GRM5: variants seen among roughly 807,000 people sequenced by gnomAD.
The protein encoded by GRM5 is metabotropic glutamate receptor 5.
In GRM5, 19 loss-of-function variants were observed where a neutral mutation model predicts 83.1. The observed-to-expected ratio is 0.23, with a 90% CI of 0.16 to 0.34. The LOEUF (loss-of-function observed/expected upper bound fraction) is 0.34. GRM5 is among the 10% of genes least tolerant of loss of function. The pLI, the probability that GRM5 is intolerant of heterozygous loss-of-function variation, is 1.00. For synonymous variants in GRM5, 675 were observed against 633.6 expected (o/e 1.07, Z -0.98); for missense variants, 1,160 against 1,588.3 (o/e 0.73, Z 4.58).
rs370154859 is a variant in GRM5, at chr11:88,981,127, C to T, written c.661+66085G>A. Among the ~76,000 whole-genome samples, 7 of 152,276 alleles carry T rather than the reference C, an allele frequency of 4.6e-5. No individual in the cohort carries two copies. In the South Asian group the frequency reaches 1.4e-3, roughly 32 times the overall value. On this transcript the variant is annotated intron_variant, in intron 2 of 9. Transcript: ENST00000305447. Reference sequence around the variant, plus strand: ...CATACAAGGTACTCTGTGATCTCTGCCTCTTCAACCTCATTTCATCAATGC... The same window carrying T: ...CATACAAGGTACTCTGTGATCTCTGTCTCTTCAACCTCATTTCATCAATGC...
chr11:88,778,403 G>A (rs145439353), intron 3 of GRM5, among the ~76,000 whole-genome samples: 2,497 of 152,272 alleles, frequency 0.016, 69 homozygotes, highest in African/African-American at 0.057. Flanking sequence ...AACCCCTTGC[G>A]CTTCCCAGGT....
intron 2 of GRM5, among the ~76,000 whole-genome samples, chr11:89,001,169 G>T (rs535803849): frequency 6.6e-6 from 1 of 151,796 alleles, no homozygotes. Flanking sequence ...AAAAAAAATT[G>T]CCAAACTACA....
At chr11:88,788,148 T>G (rs961858569) in intron 3 of GRM5, among the ~76,000 whole-genome samples, 3 of 152,142 alleles carry the variant, frequency 2.0e-5, no homozygotes, top group African/African-American at 7.2e-5. Context: ...TCTTCTTTGC[T>G]CCTTAGATCA....
At chr11:88,749,266 T>TA (rs1187709785) in intron 3 of GRM5, among the ~76,000 whole-genome samples, 14 of 152,056 alleles carry the variant, frequency 9.2e-5, no homozygotes, top group Non-Finnish European at 1.6e-4. Flanking sequence ...GTAATGGAGA[T>TA]AAAAAACACA....
Position 88,974,498 on chromosome 11 carries a change from G to T in GRM5, c.661+72714C>A, listed in dbSNP as rs184027987. Reference sequence around the variant, plus strand: ...ATGCTTATAATATTAATTGGTGTATGTATGAATGAATCATAAATGGATGAA... The same window carrying T: ...ATGCTTATAATATTAATTGGTGTATTTATGAATGAATCATAAATGGATGAA... On this transcript the variant is annotated intron_variant, in intron 2 of 9. Coordinates refer to ENST00000305447, the MANE Select transcript of GRM5 (RefSeq NM_001143831.3). Among the ~76,000 whole-genome samples the T allele has an allele frequency of 3.7e-3, 564 of 152,236 alleles. 6 individuals carry two copies. The highest frequency in any genetic ancestry group is 0.014 in the Middle Eastern group (4 of 294).
intron 3 of GRM5, among the ~76,000 whole-genome samples, chr11:88,679,832 CA>C (rs1940431336): frequency 6.6e-6 from 1 of 152,108 alleles, no homozygotes. Context: ...ACATGCTCAA[CA>C]AATCGATTTT....
At chr11:88,956,526 G>A (rs1043689324) in intron 2 of GRM5, among the ~76,000 whole-genome samples, 12 of 152,176 alleles carry the variant, frequency 7.9e-5, no homozygotes, top group Admixed American at 7.2e-4. Context: ...AGAAAAACTG[G>A]GCGGGCGCGG....
chr11:88,685,634 C>T (rs1940603197), intron 3 of GRM5, among the ~76,000 whole-genome samples: 1 of 152,128 alleles, frequency 6.6e-6, no homozygotes, highest in Non-Finnish European at 1.5e-5. Context: ...GTTTCCTGGG[C>T]CTGGCCCAGG....
chr11:88,732,443 C>T (rs2135407819), intron 3 of GRM5, among the ~76,000 whole-genome samples: 1 of 152,122 alleles, frequency 6.6e-6, no homozygotes, highest in East Asian at 1.9e-4. Context: ...CTGACGTTTG[C>T]TGAACTTCTA....
At chr11:88,590,549 G>A (rs535763904) in intron 7 of GRM5, 52 bp downstream of exon 7, 59 of 1,515,100 alleles carry the variant, frequency 3.9e-5, no homozygotes, top group Middle Eastern at 1.7e-4. Context: ...CCTCTCCCAC[G>A]TCTGCACCAT....
chr11:88,983,218 T>A (rs912414844), intron 2 of GRM5, among the ~76,000 whole-genome samples: 6 of 152,218 alleles, frequency 3.9e-5, no homozygotes, highest in Admixed American at 3.3e-4. Context: ...ATCTGTTGGA[T>A]TATATCATTA....
chr11:88,910,344 G>A (rs1215429373), intron 2 of GRM5, among the ~76,000 whole-genome samples: 1 of 151,846 alleles, frequency 6.6e-6, no homozygotes, highest in Admixed American at 6.6e-5. Context: ...AGTTTATTTG[G>A]CTATCATAAG....
intron 8 of GRM5, among the ~76,000 whole-genome samples, chr11:88,555,447 G>A (rs569853544): frequency 6.6e-6 from 1 of 152,232 alleles, no homozygotes; most frequent in African/African-American, 2.4e-5. Context: ...TTCACTGGGA[G>A]CCTCATTATA....
At chr11:88,581,039 C>A (rs909313698) in intron 7 of GRM5, among the ~76,000 whole-genome samples, 1 of 152,068 alleles carries the variant, frequency 6.6e-6, no homozygotes, top group Non-Finnish European at 1.5e-5. Flanking sequence ...ACCCGGGAGG[C>A]GGAGGTTGCA....
chr11:88,598,192 C>G lies in GRM5; in HGVS notation c.1395-840G>C, dbSNP rs117915446. Among the ~76,000 whole-genome samples the G allele has an allele frequency of 1.2e-3, 176 of 152,218 alleles. 1 individual carries two copies. In the Middle Eastern group the frequency reaches 0.014, roughly 12 times the overall value. On this transcript the variant is annotated intron_variant, in intron 5 of 9. Coordinates refer to ENST00000305447, the MANE Select transcript of GRM5 (RefSeq NM_001143831.3). ...TTTTATACTGTTTACCCCCTCAGGA[C>G]TTATAGTACTGACAGATAGACATAT...
At chr11:88,513,588 C>G (rs186468133) in intron 9 of GRM5, among the ~76,000 whole-genome samples, 79 of 152,138 alleles carry the variant, frequency 5.2e-4, no homozygotes, top group African/African-American at 1.8e-3. Flanking sequence ...CTTTATAACT[C>G]ATATCTGTCT....
chr11:88,696,910 T>TAAAAG (rs1940917841), intron 3 of GRM5, among the ~76,000 whole-genome samples: 1 of 152,222 alleles, frequency 6.6e-6, no homozygotes, highest in South Asian at 2.1e-4. Context: ...TGTGAGATTT[T>TAAAAG]AAAAGAATCT....
chr11:88,682,654 T>C (rs947642288), intron 3 of GRM5, among the ~76,000 whole-genome samples: 2 of 152,172 alleles, frequency 1.3e-5, no homozygotes, highest in Non-Finnish European at 2.9e-5. Flanking sequence ...CTTCTCTCAA[T>C]AATGAATTTA....
intron 2 of GRM5, among the ~76,000 whole-genome samples, chr11:88,996,229 A>T (rs1940181796): frequency 6.6e-6 from 1 of 152,220 alleles, no homozygotes. Flanking sequence ...CTGTGTCTTT[A>T]TCTCTGAAAT....
Sources: gnomAD v4.1 joint callset for allele counts (sites outside exome capture counted in the v4.1 genomes callset) on GRCh38, gnomAD v4.1.1 for gene constraint, MANE v1.5 for transcripts, NCBI Gene and HGNC (gene_info 2026-07-23, HGNC 2026-07-21) for gene names.